SORCS3: variants seen among roughly 807,000 people sequenced by gnomAD.
SORCS3 encodes the protein sortilin related VPS10 domain containing receptor 3, also known as VPS10 domain-containing receptor SorCS3.
Under a neutral mutation model 146.3 loss-of-function variants are expected in SORCS3, and 57 were observed. That is an observed-to-expected ratio of 0.39 (90% CI 0.31 to 0.49). The LOEUF (loss-of-function observed/expected upper bound fraction) is 0.49, where lower values mean the gene tolerates loss of function less well. Ranked by LOEUF, SORCS3 falls within the 20% of genes least tolerant of loss-of-function variation. The pLI is 0.92. For synonymous variants in SORCS3, 653 were observed against 618.5 expected (o/e 1.06, Z -0.83); for missense variants, 1,341 against 1,575.5 (o/e 0.85, Z 2.52).
At chr10:105,168,494 G>T (rs556295918) in intron 13 of SORCS3, among the ~76,000 whole-genome samples, 1 of 152,266 alleles carries the variant, frequency 6.6e-6, no homozygotes, top group East Asian at 1.9e-4. Flanking sequence ...AATATTTGTG[G>T]GTGGAGAATA....
chr10:105,172,594 T>C (rs1278709885), intron 13 of SORCS3, among the ~76,000 whole-genome samples: 2 of 152,226 alleles, frequency 1.3e-5, no homozygotes, highest in Admixed American at 6.5e-5. Flanking sequence ...AACTTTCTCA[T>C]TTACAAAAAT....
intron 1 of SORCS3, among the ~76,000 whole-genome samples, chr10:104,738,011 A>T (rs1589479466): frequency 6.6e-6 from 1 of 151,970 alleles, no homozygotes; most frequent in South Asian, 2.1e-4. Context: ...CAATTTTCCC[A>T]GCACCATTTA....
At chr10:104,646,837 G>A (rs1039706128) in intron 1 of SORCS3, among the ~76,000 whole-genome samples, 10 of 152,116 alleles carry the variant, frequency 6.6e-5, no homozygotes, top group African/African-American at 2.4e-4. Context: ...AACTGGCTCT[G>A]TGGGATGGAT....
chr10:105,188,964 G>A (rs897432965), intron 14 of SORCS3, among the ~76,000 whole-genome samples: 7 of 152,262 alleles, frequency 4.6e-5, no homozygotes, highest in Middle Eastern at 6.8e-3. Context: ...TCCACAGCAC[G>A]TTTAACTATT....
intron 4 of SORCS3, among the ~76,000 whole-genome samples, chr10:105,042,272 C>T (rs1410663388): frequency 6.6e-6 from 1 of 152,192 alleles, no homozygotes; most frequent in African/African-American, 2.4e-5. Context: ...GGGCAGATTG[C>T]AGAATGCTTA....
At chr10:104,643,476 G>A (rs2015452503) in intron 1 of SORCS3, among the ~76,000 whole-genome samples, 1 of 152,202 alleles carries the variant, frequency 6.6e-6, no homozygotes, top group Non-Finnish European at 1.5e-5. Context: ...TCGCAGCAGC[G>A]CGATGGCGGG....
At chr10:105,254,836 T>C (rs1330911005) in intron 23 of SORCS3, among the ~76,000 whole-genome samples, 1 of 151,894 alleles carries the variant, frequency 6.6e-6, no homozygotes, top group Admixed American at 6.5e-5. Context: ...TATATGCAGG[T>C]TTCACATCCT....
chr10:105,019,441 T>A (rs1252833396), intron 4 of SORCS3, among the ~76,000 whole-genome samples: 1 of 152,226 alleles, frequency 6.6e-6, no homozygotes, highest in Non-Finnish European at 1.5e-5. Context: ...TTAGACATGT[T>A]TGAGTTGCAT....
intron 2 of SORCS3, among the ~76,000 whole-genome samples, chr10:104,866,597 A>G (rs542824100): frequency 6.6e-6 from 1 of 152,368 alleles, no homozygotes; most frequent in East Asian, 1.9e-4. Flanking sequence ...TCATCCTCAC[A>G]TTAATGTCCT....
intron 3 of SORCS3, among the ~76,000 whole-genome samples, chr10:104,928,753 C>A (rs1239485703): frequency 6.6e-6 from 1 of 152,126 alleles, no homozygotes; most frequent in African/African-American, 2.4e-5. Context: ...GTCTCTGTCC[C>A]CACATGTTGG....
intron 4 of SORCS3, among the ~76,000 whole-genome samples, chr10:104,983,402 A>C (rs1333985622): frequency 6.6e-6 from 1 of 152,180 alleles, no homozygotes; most frequent in African/African-American, 2.4e-5. Flanking sequence ...TATTAGAGGG[A>C]AAATCACATT....
chr10:104,987,051 G>A (rs978758496), intron 4 of SORCS3, among the ~76,000 whole-genome samples: 4 of 152,054 alleles, frequency 2.6e-5, no homozygotes, highest in Non-Finnish European at 5.9e-5. Context: ...ACAATGAAAT[G>A]ATGTATGCCT....
At chr10:105,001,200 G>A (rs1469353220) in intron 4 of SORCS3, among the ~76,000 whole-genome samples, 1 of 152,130 alleles carries the variant, frequency 6.6e-6, no homozygotes, top group African/African-American at 2.4e-5. Flanking sequence ...GTTTTTGGAG[G>A]TCACATAGCC....
intron 1 of SORCS3, 68 bp downstream of exon 1, chr10:104,642,022 G>GGGGGGGTGGGGGGGCCC: frequency 5.8e-6 from 1 of 173,336 alleles, no homozygotes; most frequent in Non-Finnish European, 1.1e-5. Context: ...GGGTGGGTGG[G>GGGGGGGTGGGGGGGCCC]AGCGAGGGAC....
intron 1 of SORCS3, among the ~76,000 whole-genome samples, chr10:104,688,102 A>T (rs1479215413): frequency 6.6e-6 from 1 of 152,244 alleles, no homozygotes; most frequent in Non-Finnish European, 1.5e-5. Context: ...CTGAAATTCA[A>T]ATTTAACTGG....
At chr10:104,919,892 TCC>T (rs1381086345) in intron 3 of SORCS3, among the ~76,000 whole-genome samples, 1 of 152,086 alleles carries the variant, frequency 6.6e-6, no homozygotes, top group African/African-American at 2.4e-5. Flanking sequence ...TTAGCAGAAA[TCC>T]CCCTTCTCCA....
At chr10:104,963,788 A>G (rs182811247) in intron 3 of SORCS3, among the ~76,000 whole-genome samples, 140 of 152,280 alleles carry the variant, frequency 9.2e-4, no homozygotes, top group African/African-American at 3.3e-3. Flanking sequence ...CATAAGTGTT[A>G]ATTCCACTTT....
At chr10:104,945,541 GA>G (rs1328446927) in intron 3 of SORCS3, among the ~76,000 whole-genome samples, 3 of 149,774 alleles carry the variant, frequency 2.0e-5, no homozygotes, top group African/African-American at 7.4e-5. Context: ...TTACAGATGT[GA>G]ACCACTGTGC....
intron 1 of SORCS3, among the ~76,000 whole-genome samples, chr10:104,751,924 C>CATATATATATATATATATAT (rs71482435): frequency 1.0e-4 from 4 of 38,452 alleles, no homozygotes; most frequent in Non-Finnish European, 2.0e-4. Flanking sequence ...TAATAGGAAG[C>CATATATATATATATATATAT]ATATATATAT....
Sources: gnomAD v4.1 joint callset for allele counts (sites outside exome capture counted in the v4.1 genomes callset) on GRCh38, gnomAD v4.1.1 for gene constraint, MANE v1.5 for transcripts, NCBI Gene and HGNC (gene_info 2026-07-23, HGNC 2026-07-21) for gene names.